Variants in MYPN observed in about 807,000 individuals in gnomAD.
MYPN encodes the protein sarcomeric protein myopalladin, 145 kDa (MYOP).
In MYPN, 63 loss-of-function variants were observed where a neutral mutation model predicts 129.4. The observed-to-expected ratio is 0.49, with a 90% CI of 0.40 to 0.60. MYPN has a LOEUF of 0.60. Among genes scored for constraint, MYPN ranks in the 20% least tolerant of loss-of-function variants. The pLI is 0.00. For missense variants in MYPN, 1,596 were observed against 1,635.4 expected (o/e 0.98, Z 0.42); for synonymous variants, 629 against 600.9 (o/e 1.05, Z -0.68).
At chr10:68,128,190 G>T (rs1564651070) in intron 2 of MYPN, among the ~76,000 whole-genome samples, 1 of 152,142 alleles carries the variant, frequency 6.6e-6, no homozygotes, top group African/African-American at 2.4e-5. Context: ...AGATGAAAGA[G>T]TCTGTGAGAA....
intron 1 of MYPN, among the ~76,000 whole-genome samples, chr10:68,098,120 C>A (rs2041965497): frequency 6.6e-6 from 1 of 152,092 alleles, no homozygotes; most frequent in African/African-American, 2.4e-5. Context: ...GTGGCAGGCA[C>A]CTGTAATCCC....
intron 2 of MYPN, among the ~76,000 whole-genome samples, chr10:68,128,053 G>T (rs1461235629): frequency 6.6e-6 from 1 of 152,140 alleles, no homozygotes; most frequent in Non-Finnish European, 1.5e-5. Flanking sequence ...AGAAATTGTT[G>T]TATAAGTAGG....
intron 6 of MYPN, among the ~76,000 whole-genome samples, chr10:68,157,119 A>G (rs1187006464): frequency 2.0e-5 from 3 of 152,200 alleles, no homozygotes; most frequent in Non-Finnish European, 2.9e-5. Context: ...ATATCTTACA[A>G]TTCAAAGTGG....
At chr10:68,092,495 C>CAAA (rs1170392363) in intron 1 of MYPN, among the ~76,000 whole-genome samples, 5 of 96,522 alleles carry the variant, frequency 5.2e-5, no homozygotes, top group Admixed American at 3.3e-4. Context: ...GACTTCGTCT[C>CAAA]AAAAAAAAAA....
At chr10:68,146,202 T>C (rs1412926590) in intron 4 of MYPN, among the ~76,000 whole-genome samples, 1 of 152,194 alleles carries the variant, frequency 6.6e-6, no homozygotes, top group African/African-American at 2.4e-5. Flanking sequence ...CCTCCTTCCT[T>C]CCCCACCTCA....
At chr10:68,188,846 C>A in intron 12 of MYPN, 59 bp from the exon 13 acceptor site, 3 of 1,436,826 alleles carry the variant, frequency 2.1e-6, no homozygotes, top group Non-Finnish European at 2.9e-6. Context: ...CTCAATTGTA[C>A]TGATGGACAT....
In MYPN at chr10:68,174,620, CA is replaced by C. The variant is rs1356405980; in HGVS notation, c.2531del (p.Asn844MetfsTer17). ...CCTTCTCTCCCTGCCATCCCACCCA[CA>C]AATGCCATGGGGCTGCCTAGAAGTG... ...VLPSLPAIPP[T>X]NAMGLPRSAP... On this transcript the variant is annotated frameshift_variant, in exon 11 of 20. Transcript: ENST00000358913. LOFTEE classifies it high-confidence loss of function. 6.2e-7 allele frequency: 1 copy of C among 1,614,190 alleles called. No individual in the cohort carries two copies. The highest frequency in any genetic ancestry group is 8.5e-7 in the Non-Finnish European group (1 of 1,180,012).
chr10:68,091,543 T>C (rs2041931422), intron 1 of MYPN, among the ~76,000 whole-genome samples: 1 of 151,636 alleles, frequency 6.6e-6, no homozygotes, highest in Non-Finnish European at 1.5e-5. Context: ...TACAGGTGCC[T>C]GCCACTATGC....
At chr10:68,148,580 A>C in intron 5 of MYPN, 113 bp downstream of exon 5, 2 of 818,606 alleles carry the variant, frequency 2.4e-6, no homozygotes. Context: ...CTCCATCATC[A>C]GGATAATCAC....
chr10:68,206,620 C>T, intron 18 of MYPN, 150 bp from the exon 19 acceptor site: 1 of 1,047,570 alleles, frequency 9.5e-7, no homozygotes, highest in East Asian at 2.4e-5. Context: ...TGATTAAGCT[C>T]ACTGCTGCTC....
chr10:68,142,099 G>C lies in MYPN; in HGVS notation c.903-841G>C, dbSNP rs543188332. The stretch of plus-strand genomic sequence containing the variant: ...CCACAAGTGGGATTGTTGGGTCCAA[G>C]GATATTTGCATCTGTAATTCTGGCA... On this transcript the variant is annotated intron_variant, in intron 2 of 19. Transcript: ENST00000358913. 3.9e-5 allele frequency among the ~76,000 whole-genome samples: 6 copies of C among 152,324 alleles called. No homozygotes were observed. The South Asian group carries it at 1.2e-3, about 32-fold the overall frequency.
chr10:68,109,678 G>C lies in MYPN; in HGVS notation c.-47G>C. The C allele has an allele frequency of 2.2e-6, 1 of 454,070 alleles. No individual in the cohort carries two copies. Among genetic ancestry groups the C allele is most frequent in the Non-Finnish European group, 4.4e-6 (1 of 226,790 alleles). The allele number at this position is 454,070 out of a possible 1,614,324, so 28.1% of individuals were successfully genotyped here. A position where few individuals can be genotyped will look rare whatever the true frequency, so the allele number is the denominator to read the frequency against. On this transcript the variant is annotated 5_prime_UTR_variant, in exon 1 of 20. Coordinates refer to ENST00000358913, the MANE Select transcript of MYPN (RefSeq NM_032578.4). Reference sequence around the variant, plus strand: ...CCTGGATAATTATCATTGCAGTGGAGTGCCTGGATTGGACATCCTCATCTG... The same window carrying C: ...CCTGGATAATTATCATTGCAGTGGACTGCCTGGATTGGACATCCTCATCTG...
intron 2 of MYPN, chr10:68,136,868 T>A (rs1316043575): frequency 1.0e-6 from 1 of 956,166 alleles, no homozygotes; most frequent in Non-Finnish European, 1.5e-6. Flanking sequence ...AAGCCAAATG[T>A]TATTAAAGAA....
At chr10:68,093,939 T>C (rs1169739017) in intron 1 of MYPN, among the ~76,000 whole-genome samples, 1 of 152,050 alleles carries the variant, frequency 6.6e-6, no homozygotes, top group Non-Finnish European at 1.5e-5. Flanking sequence ...CTCCACTTTT[T>C]AGGCTACATA....
At chr10:68,201,364 A>G (rs1174288081) in intron 17 of MYPN, among the ~76,000 whole-genome samples, 2 of 152,186 alleles carry the variant, frequency 1.3e-5, no homozygotes, top group Admixed American at 6.5e-5. Context: ...AAAAGACATG[A>G]GGAGTGTTCT....
At position 68,121,685 on chromosome 10, in the gene MYPN, A is replaced by G. The variant is rs538136687; in HGVS notation, c.247A>G (p.Ile83Val). The change falls in exon 2 of 20, where the codon ATC becomes GTC. Residue 83 changes from isoleucine to valine, a missense_variant. Physicochemically the swap from Ile to Val is conservative, Grantham distance 29. Coordinates refer to ENST00000358913, the MANE Select transcript of MYPN (RefSeq NM_032578.4). ...AAGTGTCAATTTGGCAAGACTGGCC[A>G]TCAATTACGACCCTTTGGAGAAGGC... ...DESVNLARLA[I>V]NYDPLEKADE... 6.2e-7 allele frequency: 1 copy of G among 1,614,218 alleles called. No individual in the cohort carries two copies. Among genetic ancestry groups the G allele is most frequent in the East Asian group, 2.2e-5 (1 of 44,874 alleles).
intron 19 of MYPN, among the ~76,000 whole-genome samples, chr10:68,208,753 G>A (rs975181689): frequency 1.3e-5 from 2 of 152,112 alleles, no homozygotes; most frequent in Admixed American, 6.6e-5. Flanking sequence ...TGGAGGACGC[G>A]TGGAGGACTT....
At chr10:68,199,308 G>T (rs1008372239) in intron 16 of MYPN, 60 bp from the exon 17 acceptor site, 26 of 1,517,718 alleles carry the variant, frequency 1.7e-5, no homozygotes, top group Non-Finnish European at 2.4e-5. Context: ...AAAGAATTCA[G>T]CCATCAAATA....
At chr10:68,173,129 G>A (rs768376701) in intron 10 of MYPN, among the ~76,000 whole-genome samples, 4 of 152,062 alleles carry the variant, frequency 2.6e-5, no homozygotes, top group Non-Finnish European at 5.9e-5. Flanking sequence ...GTTAAACCAG[G>A]ACCTTCCTGA....
Sources: allele counts gnomAD v4.1 joint callset (sites outside exome capture counted in the v4.1 genomes callset), GRCh38; gene constraint gnomAD v4.1.1; transcripts MANE v1.5; gene names NCBI Gene and HGNC (gene_info 2026-07-23, HGNC 2026-07-21).